PDE4B: variants seen among roughly 807,000 people sequenced by gnomAD.
PDE4B encodes the protein phosphodiesterase 4B.
In PDE4B, 20 loss-of-function variants were observed where a neutral mutation model predicts 82.2. That is an observed-to-expected ratio of 0.24 (90% CI 0.17 to 0.35). PDE4B has a LOEUF of 0.35. PDE4B is among the 10% of genes least tolerant of loss of function. The probability of loss-of-function intolerance (pLI) is 1.00; values close to 1 mark genes in which losing one functional copy is unlikely to be tolerated. For missense variants in PDE4B, 655 were observed against 907.2 expected, an observed-to-expected ratio of 0.72 and a Z score of 3.57; for synonymous variants, 320 against 318.9, an observed-to-expected ratio of 1.00 and a Z score of -0.04.
At position 66,372,694 on chromosome 1, in the gene PDE4B, G is replaced by A; in HGVS notation, c.*16G>A. 6.3e-7 allele frequency: 1 copy of A among 1,597,688 alleles called. No homozygotes were observed. The highest frequency in any genetic ancestry group is 8.5e-7 in the Non-Finnish European group (1 of 1,171,164). On this transcript the variant is annotated 3_prime_UTR_variant, in exon 17 of 17. Coordinates refer to ENST00000341517, the MANE Select transcript of PDE4B (RefSeq NM_002600.4). ...GGATACATAATCCCCCTCTCCCTGT[G>A]GAGATGAACATTCTATCCTTGATGA... is the stretch of plus-strand genomic sequence containing the variant.
chr1:66,288,716 T>C (rs181100430), intron 7 of PDE4B, among the ~76,000 whole-genome samples: 3 of 152,022 alleles, frequency 2.0e-5, no homozygotes, highest in African/African-American at 7.2e-5. Context: ...AAGAGCTTCA[T>C]CAAGGACAAG....
intron 3 of PDE4B, among the ~76,000 whole-genome samples, chr1:66,056,463 T>TTC (rs1185112507): frequency 1.5e-5 from 2 of 136,548 alleles, no homozygotes; most frequent in African/African-American, 5.2e-5. Flanking sequence ...CAAGGAAATT[T>TTC]TATATCTATC....
At chr1:66,168,396 C>G (rs1424125389) in intron 3 of PDE4B, among the ~76,000 whole-genome samples, 1 of 152,058 alleles carries the variant, frequency 6.6e-6, no homozygotes, top group Non-Finnish European at 1.5e-5. Flanking sequence ...GGTGGTCAGA[C>G]AAGACCTTGA....
intron 3 of PDE4B, among the ~76,000 whole-genome samples, chr1:66,168,976 A>G (rs1646788409): frequency 6.6e-6 from 1 of 152,238 alleles, no homozygotes. Context: ...CCAGGAACAC[A>G]GATCCAACTA....
At chr1:66,250,754 C>T (rs1653702923) in intron 4 of PDE4B, among the ~76,000 whole-genome samples, 1 of 152,154 alleles carries the variant, frequency 6.6e-6, no homozygotes, top group African/African-American at 2.4e-5. Flanking sequence ...CTAGTAAGGC[C>T]AGTTTTACTG....
At position 66,363,165 on chromosome 1, in the gene PDE4B, T is replaced by C. The variant is rs1404532676; in HGVS notation, c.1021-3T>C. 6.3e-7 allele frequency: 1 copy of C among 1,584,740 alleles called. No homozygotes were observed. The highest frequency in any genetic ancestry group is 1.4e-5 in the African/African-American group (1 of 73,712). On this transcript the variant is annotated splice_region_variant and splice_polypyrimidine_tract_variant and intron_variant, in intron 10 of 16. Transcript: ENST00000341517. ...CTAAATTCCTTTAAATTTTTAATTA[T>C]AGGAGCTGGAAGACCTGAACAAATG...
chr1:66,019,022 A>G lies in PDE4B; in HGVS notation c.281+100187A>G, dbSNP rs17128241. ...TAATTATGCACTTAAATAAATGGAT[A>G]GAGTTCTTACTTACCGTTTTCACAT... is the stretch of plus-strand genomic sequence containing the variant. On this transcript the variant is annotated intron_variant, in intron 3 of 16. Coordinates refer to ENST00000341517, the MANE Select transcript of PDE4B (RefSeq NM_002600.4). 3.9e-3 allele frequency among the ~76,000 whole-genome samples: 599 copies of G among 152,324 alleles called. 4 individuals are homozygous for G. The highest frequency in any genetic ancestry group is 0.014 in the Middle Eastern group (4 of 294).
chr1:65,835,796 A>G (rs1646133250), intron 1 of PDE4B, among the ~76,000 whole-genome samples: 1 of 152,186 alleles, frequency 6.6e-6, no homozygotes, highest in Admixed American at 6.5e-5. Flanking sequence ...GAAATTAAAT[A>G]TCAGAGGATT....
intron 7 of PDE4B, among the ~76,000 whole-genome samples, chr1:66,275,447 C>A (rs1414704225): frequency 6.6e-6 from 1 of 152,116 alleles, no homozygotes; most frequent in Non-Finnish European, 1.5e-5. Flanking sequence ...AACTTTACAC[C>A]CTCTCCAATT....
intron 1 of PDE4B, among the ~76,000 whole-genome samples, chr1:65,840,882 G>A (rs900101542): frequency 5.3e-5 from 8 of 152,216 alleles, no homozygotes; most frequent in Non-Finnish European, 1.0e-4. Context: ...CTGAAATTTC[G>A]GAATCGCTAT....
At chr1:66,352,601 G>A (rs1661923262) in intron 8 of PDE4B, among the ~76,000 whole-genome samples, 1 of 152,136 alleles carries the variant, frequency 6.6e-6, no homozygotes, top group Non-Finnish European at 1.5e-5. Context: ...TAAAGAACTG[G>A]TCCTACCCTC....
chr1:66,228,352 C>G (rs1651628351), intron 3 of PDE4B, among the ~76,000 whole-genome samples: 1 of 152,152 alleles, frequency 6.6e-6, no homozygotes, highest in African/African-American at 2.4e-5. Context: ...AGGGTTGTCT[C>G]TAGCTGCAAT....
chr1:66,194,652 C>A (rs1055993271), intron 3 of PDE4B, among the ~76,000 whole-genome samples: 2 of 152,030 alleles, frequency 1.3e-5, no homozygotes, highest in Non-Finnish European at 2.9e-5. Context: ...TGTAACTGGA[C>A]TTAATGAGCA....
intron 9 of PDE4B, among the ~76,000 whole-genome samples, chr1:66,359,556 T>G (rs1662583112): frequency 6.6e-6 from 1 of 152,234 alleles, no homozygotes; most frequent in African/African-American, 2.4e-5. Context: ...TCTTCTTCAT[T>G]ATTGCAGTGT....
chr1:66,368,635 A>C lies in PDE4B; in HGVS notation c.1663-152A>C, dbSNP rs78020342. 1,935 of 480,836 alleles carry C rather than the reference A, an allele frequency of 4.0e-3. 1 individual carries two copies. Among genetic ancestry groups the C allele is most frequent in the Non-Finnish European group, 5.6e-3 (1,618 of 290,780 alleles). The allele number at this position is 480,836 out of a possible 1,614,324, so 29.8% of individuals were successfully genotyped here. On this transcript the variant is annotated intron_variant, in intron 15 of 16. Coordinates refer to ENST00000341517, the MANE Select transcript of PDE4B (RefSeq NM_002600.4). Reference sequence around the variant, plus strand: ...AACTGACCCAGGCTAGCATCATTGTAATTCCATTTTTTTTCGGTGCATATG... The same window carrying C: ...AACTGACCCAGGCTAGCATCATTGTCATTCCATTTTTTTTCGGTGCATATG...
chr1:66,061,221 T>C (rs928268672), intron 3 of PDE4B, among the ~76,000 whole-genome samples: 1 of 149,264 alleles, frequency 6.7e-6, no homozygotes, highest in African/African-American at 2.5e-5. Context: ...ATAAGAAGGA[T>C]TAAATAATGT....
At chr1:65,915,983 A>T (rs12128649) in intron 2 of PDE4B, among the ~76,000 whole-genome samples, 43 of 152,210 alleles carry the variant, frequency 2.8e-4, no homozygotes, top group Admixed American at 1.8e-3. Flanking sequence ...GAAGTTCAAG[A>T]TCACAAATCA....
chr1:66,322,047 AC>A, intron 7 of PDE4B, among the ~76,000 whole-genome samples: 1 of 152,212 alleles, frequency 6.6e-6, no homozygotes, highest in Non-Finnish European at 1.5e-5. Flanking sequence ...TCTTTGACAA[AC>A]TTGACAAAAA....
At chr1:66,164,965 G>C (rs1646700026) in intron 3 of PDE4B, among the ~76,000 whole-genome samples, 2 of 151,802 alleles carry the variant, frequency 1.3e-5, no homozygotes, top group African/African-American at 4.8e-5. Context: ...GTTTCACTGT[G>C]TTAGCCAGGA....
Sources: allele counts gnomAD v4.1 joint callset (sites outside exome capture counted in the v4.1 genomes callset), GRCh38; gene constraint gnomAD v4.1.1; transcripts MANE v1.5; gene names NCBI Gene and HGNC (gene_info 2026-07-23, HGNC 2026-07-21).